CPQ: variants seen among roughly 807,000 people sequenced by gnomAD.
CPQ encodes carboxypeptidase Q.
CPQ carries 37 observed loss-of-function variants against 45.7 expected under a neutral mutation model. The observed-to-expected ratio is 0.81, with a 90% CI of 0.62 to 1.07. The LOEUF is 1.07. Among genes scored for constraint, CPQ ranks in the 50% least tolerant of loss-of-function variants. CPQ has a pLI of 0.00. For missense variants in CPQ, 537 were observed against 572.9 expected, an observed-to-expected ratio of 0.94 and a Z score of 0.64; for synonymous variants, 186 against 205.8, an observed-to-expected ratio of 0.90 and a Z score of 0.82.
chr8:96,776,109 A>C (rs185396662), intron 1 of CPQ, among the ~76,000 whole-genome samples: 1 of 152,354 alleles, frequency 6.6e-6, no homozygotes, highest in East Asian at 1.9e-4. Context: ...ATGACTGAAT[A>C]AATAACTGGA....
At chr8:96,976,312 A>T (rs945381481) in intron 5 of CPQ, among the ~76,000 whole-genome samples, 8 of 151,090 alleles carry the variant, frequency 5.3e-5, no homozygotes, top group African/African-American at 1.7e-4. Context: ...AAAGACCTCT[A>T]CGAGTAAAAC....
chr8:96,975,101 G>A lies in CPQ; in HGVS notation c.961+9055G>A, dbSNP rs541941312. Among the ~76,000 whole-genome samples, 25 of 151,774 alleles carry A rather than the reference G, an allele frequency of 1.6e-4. No individual in the cohort carries two copies. The East Asian group carries it at 4.3e-3, about 26-fold the overall frequency. On this transcript the variant is annotated intron_variant, in intron 5 of 7. Coordinates refer to ENST00000220763, the MANE Select transcript of CPQ (RefSeq NM_016134.4). ...AGATAAATGAAACAGATAGACCAAC[G>A]AGATTAACCAAGAAAAGAAGAGAGA...
intron 1 of CPQ, among the ~76,000 whole-genome samples, chr8:96,687,772 A>G (rs1025138565): frequency 1.3e-5 from 2 of 152,094 alleles, no homozygotes; most frequent in Admixed American, 1.3e-4. Flanking sequence ...ATATCCTGAT[A>G]GTAGATTATT....
intron 5 of CPQ, among the ~76,000 whole-genome samples, chr8:97,013,863 A>T (rs1809533547): frequency 6.6e-6 from 1 of 152,236 alleles, no homozygotes; most frequent in Admixed American, 6.5e-5. Flanking sequence ...TGTATATAGA[A>T]AAAGATGTAT....
intron 1 of CPQ, among the ~76,000 whole-genome samples, chr8:96,649,482 C>G (rs1316292098): frequency 6.6e-6 from 1 of 152,158 alleles, no homozygotes; most frequent in Non-Finnish European, 1.5e-5. Flanking sequence ...TATTTGAAGA[C>G]AGAGCAGGAT....
At chr8:96,753,803 A>T (rs1194573386) in intron 1 of CPQ, among the ~76,000 whole-genome samples, 1 of 151,924 alleles carries the variant, frequency 6.6e-6, no homozygotes, top group Admixed American at 6.6e-5. Context: ...GATCTTGGAC[A>T]TCCTTACCTT....
At chr8:96,937,160 A>G (rs1813064017) in intron 4 of CPQ, among the ~76,000 whole-genome samples, 10 of 152,136 alleles carry the variant, frequency 6.6e-5, no homozygotes, top group Admixed American at 5.9e-4. Context: ...GGGCAATTTC[A>G]ATATAGTATA....
intron 1 of CPQ, among the ~76,000 whole-genome samples, chr8:96,685,810 T>G (rs1472270453): frequency 1.3e-5 from 2 of 152,160 alleles, no homozygotes; most frequent in Non-Finnish European, 2.9e-5. Flanking sequence ...ATAGAATAAG[T>G]CAGGTAGAAC....
intron 3 of CPQ, among the ~76,000 whole-genome samples, chr8:96,853,937 T>A (rs753421779): frequency 1.3e-5 from 2 of 152,206 alleles, no homozygotes; most frequent in Non-Finnish European, 2.9e-5. Context: ...GAAGAAGGCC[T>A]CTGAGCCAGC....
At chr8:96,709,993 C>G (rs911438755) in intron 1 of CPQ, among the ~76,000 whole-genome samples, 1 of 152,044 alleles carries the variant, frequency 6.6e-6, no homozygotes, top group Non-Finnish European at 1.5e-5. Flanking sequence ...TGGATTTCCC[C>G]TATGAATCTC....
intron 5 of CPQ, among the ~76,000 whole-genome samples, chr8:97,017,078 AC>A (rs956512692): frequency 6.6e-6 from 1 of 152,162 alleles, no homozygotes; most frequent in African/African-American, 2.4e-5. Context: ...ACTGTAAGAC[AC>A]CCCAAAAAAC....
chr8:96,991,879 C>T (rs182099970), intron 5 of CPQ, among the ~76,000 whole-genome samples: 9 of 152,228 alleles, frequency 5.9e-5, no homozygotes, highest in Admixed American at 1.3e-4. Flanking sequence ...TTCCACTCTC[C>T]ATCATTGAGA....
chr8:96,863,375 TG>T (rs1811956108), intron 3 of CPQ, among the ~76,000 whole-genome samples: 1 of 151,858 alleles, frequency 6.6e-6, no homozygotes, highest in African/African-American at 2.4e-5. Context: ...GTTGAATGTA[TG>T]ATAGGGGAAG....
intron 1 of CPQ, among the ~76,000 whole-genome samples, chr8:96,713,824 A>C (rs1809643656): frequency 6.6e-6 from 1 of 152,206 alleles, no homozygotes; most frequent in Non-Finnish European, 1.5e-5. Flanking sequence ...CATTTGTTGT[A>C]GGGCTGGTGT....
At chr8:97,088,069 C>G (rs1811070085) in intron 7 of CPQ, among the ~76,000 whole-genome samples, 1 of 152,100 alleles carries the variant, frequency 6.6e-6, no homozygotes, top group Non-Finnish European at 1.5e-5. Context: ...GGCTTTTTCA[C>G]CCTTTTACTT....
Position 97,037,112 on chromosome 8 carries a change from A to T in CPQ, c.1053+7618A>T, listed in dbSNP as rs192499514. Among the ~76,000 whole-genome samples the T allele has an allele frequency of 2.0e-4, 31 of 152,340 alleles. No individual in the cohort carries two copies. The East Asian group carries it at 5.6e-3, about 27-fold the overall frequency. On this transcript the variant is annotated intron_variant, in intron 6 of 7. Coordinates refer to ENST00000220763, the MANE Select transcript of CPQ (RefSeq NM_016134.4). Reference sequence around the variant, plus strand: ...ACAAAAATTCCTCTTTATGTATAGAAATACACTAAAGTGTTAGCTTCTTTT... The same window carrying T: ...ACAAAAATTCCTCTTTATGTATAGATATACACTAAAGTGTTAGCTTCTTTT...
At chr8:96,841,957 T>C (rs1811618961) in intron 3 of CPQ, among the ~76,000 whole-genome samples, 1 of 152,202 alleles carries the variant, frequency 6.6e-6, no homozygotes, top group African/African-American at 2.4e-5. Context: ...GTGGGCTACA[T>C]CATAGAGTTA....
chr8:96,714,124 C>T (rs1309064210), intron 1 of CPQ, among the ~76,000 whole-genome samples: 5 of 152,128 alleles, frequency 3.3e-5, no homozygotes, highest in Non-Finnish European at 7.4e-5. Context: ...TGGTCATGCC[C>T]TTTTTTCAGT....
At chr8:96,935,845 T>C (rs1563533074) in intron 4 of CPQ, among the ~76,000 whole-genome samples, 1 of 152,200 alleles carries the variant, frequency 6.6e-6, no homozygotes, top group Non-Finnish European at 1.5e-5. Context: ...GAACTCAGCC[T>C]GAGATGAAAA....
Sources: allele counts gnomAD v4.1 joint callset (sites outside exome capture counted in the v4.1 genomes callset), GRCh38; gene constraint gnomAD v4.1.1; transcripts MANE v1.5; gene names NCBI Gene and HGNC (gene_info 2026-07-23, HGNC 2026-07-21).